Variants in PRH1 observed in about 807,000 individuals in gnomAD.
PRH1 encodes the protein salivary acidic proline-rich phosphoprotein 1/2.
A neutral mutation model predicts 7.9 loss-of-function variants in PRH1; 7 were observed. That is an observed-to-expected ratio of 0.89 (90% confidence interval 0.50 to 1.67). The LOEUF is 1.67. Ranked by LOEUF, PRH1 falls within the 40% of genes most tolerant of loss-of-function variation. The probability of loss-of-function intolerance (pLI) is 0.00; values close to 1 mark genes in which losing one functional copy is unlikely to be tolerated. For synonymous variants in PRH1, 45 were observed against 80.8 expected, an observed-to-expected ratio of 0.56 and a Z score of 2.38; for missense variants, 109 against 223.6, an observed-to-expected ratio of 0.49 and a Z score of 3.27.
intron 1 of PRH1, among the ~76,000 whole-genome samples, chr12:10,993,673 TG>T (rs1225503172): frequency 6.6e-6 from 1 of 152,244 alleles, no homozygotes; most frequent in African/African-American, 2.4e-5. Flanking sequence ...TTGAGGATAC[TG>T]CTCTGATTCA....
In PRH1 at chr12:11,091,258, T is replaced by A. The variant is rs186711110; in HGVS notation, n.124-44070A>T. On this transcript the variant is annotated intron_variant and non_coding_transcript_variant, in intron 1 of 4. Transcript: ENST00000541977. Reference sequence around the variant, plus strand: ...TATAAAATGTTTCATACACCACCAGTTTGTTTCCTGCTAGAAGATACACAA... The same window carrying A: ...TATAAAATGTTTCATACACCACCAGATTGTTTCCTGCTAGAAGATACACAA... The A allele has an allele frequency of 3.2e-3, 3,686 of 1,138,460 alleles. 998 individuals carry two copies. The highest frequency in any genetic ancestry group is 4.2e-3 in the Non-Finnish European group (3,393 of 809,388). The allele number at this position is 1,138,460 out of a possible 1,614,324, so 70.5% of individuals were successfully genotyped here.
chr12:11,037,799 A>G (rs376422179), intron 1 of PRH1, among the ~76,000 whole-genome samples: 2,039 of 151,990 alleles, frequency 0.013, no homozygotes, highest in South Asian at 0.027. Flanking sequence ...CAGCATTTTG[A>G]AAGGCTGAGG....
intron 2 of PRH1, among the ~76,000 whole-genome samples, chr12:10,929,533 A>C (rs904008943): frequency 2.0e-5 from 3 of 152,090 alleles, no homozygotes; most frequent in African/African-American, 7.2e-5. Context: ...CACAAATAGA[A>C]CCCAATAAAG....
intron 1 of PRH1, among the ~76,000 whole-genome samples, chr12:11,136,584 T>G (rs1369330798): frequency 6.6e-6 from 1 of 152,208 alleles, no homozygotes; most frequent in African/African-American, 2.4e-5. Flanking sequence ...TCCAGTCTAT[T>G]TTTTGCCATT....
chr12:10,953,911 C>T (rs1937817007), intron 2 of PRH1, among the ~76,000 whole-genome samples: 1 of 152,134 alleles, frequency 6.6e-6, no homozygotes, highest in African/African-American at 2.4e-5. Flanking sequence ...TAACAGTGGA[C>T]CTGTTAGCAG....
intron 1 of PRH1, among the ~76,000 whole-genome samples, chr12:11,129,502 G>A (rs1342880782): frequency 6.6e-6 from 1 of 152,288 alleles, no homozygotes; most frequent in Non-Finnish European, 1.5e-5. Context: ...CAAAACACCT[G>A]AAAGTTACAG....
chr12:11,159,725 C>G (rs1192996516), intron 1 of PRH1: 1 of 152,176 alleles, frequency 6.6e-6, no homozygotes, highest in Non-Finnish European at 1.5e-5. Flanking sequence ...TATTCTACTT[C>G]ACTGACAGCT....
At chr12:10,959,602 A>C (rs1938140123) in intron 2 of PRH1, among the ~76,000 whole-genome samples, 1 of 152,224 alleles carries the variant, frequency 6.6e-6, no homozygotes, top group Admixed American at 6.5e-5. Flanking sequence ...GAAATCAAAA[A>C]TGGGTTAGTA....
chr12:10,965,324 GA>G, intron 2 of PRH1: 1 of 1,282,060 alleles, frequency 7.8e-7, no homozygotes, highest in Non-Finnish European at 1.1e-6. Flanking sequence ...TACTAGAATG[GA>G]AAAAATGATG....
intron 1 of PRH1, among the ~76,000 whole-genome samples, chr12:11,062,558 T>C (rs1943659178): frequency 6.6e-6 from 1 of 152,130 alleles, no homozygotes; most frequent in Non-Finnish European, 1.5e-5. Context: ...CTGTCCTTGT[T>C]ATAGGCTGGA....
chr12:11,147,522 T>G (rs1946901586), intron 1 of PRH1, among the ~76,000 whole-genome samples: 3 of 152,204 alleles, frequency 2.0e-5, no homozygotes, highest in Admixed American at 2.0e-4. Context: ...TGTAATTTAC[T>G]GTTGGCAATA....
intron 2 of PRH1, among the ~76,000 whole-genome samples, chr12:10,931,575 C>G (rs967592898): frequency 6.6e-6 from 1 of 152,280 alleles, no homozygotes; most frequent in East Asian, 1.9e-4. Context: ...AAACTAATCT[C>G]ACTGAATAGA....
At chr12:11,022,976 G>T (rs1941737338) in intron 1 of PRH1, among the ~76,000 whole-genome samples, 1 of 152,094 alleles carries the variant, frequency 6.6e-6, no homozygotes, top group South Asian at 2.1e-4. Context: ...ATCTTCAGTT[G>T]TTCCATAGGG....
At chr12:10,945,027 G>A (rs1002792210) in intron 2 of PRH1, among the ~76,000 whole-genome samples, 3 of 152,124 alleles carry the variant, frequency 2.0e-5, no homozygotes, top group East Asian at 1.9e-4. Flanking sequence ...TTCTGTTGCT[G>A]TTGTGTCTCT....
intron 1 of PRH1, among the ~76,000 whole-genome samples, chr12:11,064,716 T>C (rs929618589): frequency 6.6e-6 from 1 of 152,152 alleles, no homozygotes; most frequent in East Asian, 1.9e-4. Flanking sequence ...ATTATGCACA[T>C]ATTTACCACT....
intron 1 of PRH1, among the ~76,000 whole-genome samples, chr12:11,056,720 C>A (rs1004129543): frequency 6.6e-6 from 1 of 152,038 alleles, no homozygotes; most frequent in Non-Finnish European, 1.5e-5. Context: ...CAGATGGCTG[C>A]AGCAAAAGAA....
intron 1 of PRH1, among the ~76,000 whole-genome samples, chr12:11,025,021 A>ATTTTTTTTTTTTTTTTTTTTTTATTT (rs34435271): frequency 7.2e-6 from 1 of 139,372 alleles, no homozygotes; most frequent in Non-Finnish European, 1.5e-5. Flanking sequence ...ATTGTCATTA[A>ATTTTTTTTTTTTTTTTTTTTTTATTT]TTTTTTTTTT....
At chr12:11,071,648 A>C (rs924789941) in intron 1 of PRH1, among the ~76,000 whole-genome samples, 10 of 152,200 alleles carry the variant, frequency 6.6e-5, no homozygotes, top group Admixed American at 2.6e-4. Context: ...TTTGTCATTT[A>C]ATGTGTTCTA....
At chr12:10,957,759 T>C (rs1471391635) in intron 2 of PRH1, among the ~76,000 whole-genome samples, 3 of 151,964 alleles carry the variant, frequency 2.0e-5, no homozygotes, top group Non-Finnish European at 4.4e-5. Context: ...ATAAAGGACA[T>C]GAACAATTTT....
Sources: allele counts gnomAD v4.1 joint callset (sites outside exome capture counted in the v4.1 genomes callset), GRCh38; gene constraint gnomAD v4.1.1; transcripts MANE v1.5; gene names NCBI Gene and HGNC (gene_info 2026-07-23, HGNC 2026-07-21).